The following SKIC3 variants were observed in gnomAD, a reference collection of about 807,000 sequenced individuals.
The protein encoded by SKIC3 is superkiller complex protein 3.
the SKIC3 span, chr5:95,525,641 C>T: frequency 1.2e-6 from 2 of 1,613,952 alleles, no homozygotes; most frequent in Non-Finnish European, 1.7e-6. Flanking sequence ...TTTTGAGAAC[C>T]AAAAGTCCTG....
the SKIC3 span, chr5:95,525,561 T>C: frequency 6.2e-7 from 1 of 1,613,952 alleles, no homozygotes; most frequent in Non-Finnish European, 8.5e-7. Context: ...ACTCAAAAAA[T>C]GCTCAGTTTG....
At chr5:95,502,821 T>C in the SKIC3 span, 1 of 1,603,458 alleles carries the variant, frequency 6.2e-7, no homozygotes, top group Non-Finnish European at 8.5e-7. Context: ...TTTCTCCAAT[T>C]CTCAACCCAA....
chr5:95,517,129 C>T, the SKIC3 span: 1 of 1,613,238 alleles, frequency 6.2e-7, no homozygotes, highest in Non-Finnish European at 8.5e-7. Flanking sequence ...TATTAACTGG[C>T]AATCTTTGCA....
At chr5:95,547,542 C>A in the SKIC3 span, among the ~76,000 whole-genome samples, 1 of 152,026 alleles carries the variant, frequency 6.6e-6, no homozygotes, top group Non-Finnish European at 1.5e-5. Flanking sequence ...AAGTTCCATG[C>A]AGGCAAGAAT....
At chr5:95,544,184 C>A in the SKIC3 span, among the ~76,000 whole-genome samples, 7 of 152,126 alleles carry the variant, frequency 4.6e-5, no homozygotes, top group Non-Finnish European at 1.0e-4. Context: ...ATTCTTGTCA[C>A]CTAAGTCAGA....
the SKIC3 span, chr5:95,498,652 G>A: frequency 1.4e-6 from 2 of 1,435,504 alleles, no homozygotes; most frequent in South Asian, 1.2e-5. Flanking sequence ...TTGAGACGGA[G>A]TCTCGCTCTG....
At chr5:95,496,073 G>A in the SKIC3 span, among the ~76,000 whole-genome samples, 7 of 151,578 alleles carry the variant, frequency 4.6e-5, no homozygotes, top group South Asian at 1.0e-3. Context: ...GATGGAGTGC[G>A]GTGGCATGAT....
At chr5:95,494,623 C>A in the SKIC3 span, 3 of 1,547,740 alleles carry the variant, frequency 1.9e-6, no homozygotes, top group Non-Finnish European at 2.7e-6. Flanking sequence ...CCCCCACTTA[C>A]AAAATATGTA....
chr5:95,497,236 A>G, the SKIC3 span, among the ~76,000 whole-genome samples: 1 of 152,338 alleles, frequency 6.6e-6, no homozygotes, highest in East Asian at 1.9e-4. Context: ...GCACAACCGT[A>G]TATGGAGAAA....
chr5:95,478,178 A>C, the SKIC3 span: 1 of 1,280,032 alleles, frequency 7.8e-7, no homozygotes, highest in Non-Finnish European at 1.1e-6. Flanking sequence ...GCCACACTAG[A>C]ACACAATGAA....
chr5:95,488,568 A>G, the SKIC3 span, among the ~76,000 whole-genome samples: 1 of 152,368 alleles, frequency 6.6e-6, no homozygotes, highest in Non-Finnish European at 1.5e-5. Context: ...AGCCAAGGAC[A>G]CTATACCCAG....
chr5:95,517,035 T>C, the SKIC3 span: 1 of 1,613,672 alleles, frequency 6.2e-7, no homozygotes, highest in African/African-American at 1.3e-5. Flanking sequence ...GATGTAGACA[T>C]CAGTTTTAAT....
chr5:95,519,492 T>C, the SKIC3 span, among the ~76,000 whole-genome samples: 1 of 151,954 alleles, frequency 6.6e-6, no homozygotes, highest in East Asian at 1.9e-4. Flanking sequence ...AGAAGGGCAA[T>C]ATGATTTGGA....
the SKIC3 span, among the ~76,000 whole-genome samples, chr5:95,499,276 C>T: frequency 6.6e-6 from 1 of 152,184 alleles, no homozygotes; most frequent in Non-Finnish European, 1.5e-5. Flanking sequence ...TTAGCACCAC[C>T]TCCATTTGGT....
At chr5:95,519,499 T>C in the SKIC3 span, among the ~76,000 whole-genome samples, 1 of 151,972 alleles carries the variant, frequency 6.6e-6, no homozygotes, top group East Asian at 1.9e-4. Context: ...CAATATGATT[T>C]GGAGTTCCTT....
chr5:95,518,327 C>T, the SKIC3 span, among the ~76,000 whole-genome samples: 1 of 151,830 alleles, frequency 6.6e-6, no homozygotes, highest in Non-Finnish European at 1.5e-5. Flanking sequence ...GTTCACTATC[C>T]TCCTTCTAGC....
At chr5:95,512,506 G>A in the SKIC3 span, 2 of 1,613,902 alleles carry the variant, frequency 1.2e-6, no homozygotes, top group Non-Finnish European at 1.7e-6. Context: ...AACTTGTGCT[G>A]CTGGAATAGC....
the SKIC3 span, chr5:95,467,727 A>G: frequency 8.0e-7 from 1 of 1,246,700 alleles, no homozygotes; most frequent in Non-Finnish European, 1.1e-6. Flanking sequence ...TAGCCAAAAA[A>G]TTACACACTC....
chr5:95,537,059 A>C, the SKIC3 span: 1 of 1,613,584 alleles, frequency 6.2e-7, no homozygotes, highest in Non-Finnish European at 8.5e-7. Flanking sequence ...TAAACTCTGA[A>C]TGAAATGCCT....
Sources: allele counts gnomAD v4.1 joint callset (sites outside exome capture counted in the v4.1 genomes callset), GRCh38; gene constraint gnomAD v4.1.1; transcripts MANE v1.5; gene names NCBI Gene and HGNC (gene_info 2026-07-23, HGNC 2026-07-21).